Variants in LRRC63 observed in about 807,000 individuals in gnomAD.
LRRC63 encodes leucine-rich repeat-containing protein 63.
In LRRC63, 40 loss-of-function variants were observed where a neutral mutation model predicts 49.5. That is an observed-to-expected ratio of 0.81 (90% CI 0.63 to 1.05). The LOEUF is 1.05. Ranked by LOEUF, LRRC63 falls within the 50% of genes least tolerant of loss-of-function variation. LRRC63 has a pLI of 0.00. For synonymous variants in LRRC63, 191 were observed against 221.1 expected, an observed-to-expected ratio of 0.86 and a Z score of 1.21; for missense variants, 636 against 663.1, an observed-to-expected ratio of 0.96 and a Z score of 0.45.
At chr13:46,219,894 C>T (rs978142913) in intron 2 of LRRC63, among the ~76,000 whole-genome samples, 14 of 152,172 alleles carry the variant, frequency 9.2e-5, no homozygotes, top group African/African-American at 3.1e-4. Flanking sequence ...TGCTGAAGGG[C>T]CACTCCAGAC....
intron 8 of LRRC63, among the ~76,000 whole-genome samples, chr13:46,264,436 ATT>A (rs2047654889): frequency 6.7e-6 from 1 of 148,950 alleles, no homozygotes; most frequent in Non-Finnish European, 1.5e-5. Flanking sequence ...TTATTTATTT[ATT>A]TAGTTAGTTA....
intron 8 of LRRC63, among the ~76,000 whole-genome samples, chr13:46,262,644 CT>C (rs202148425): frequency 6.6e-5 from 10 of 151,914 alleles, no homozygotes; most frequent in African/African-American, 1.9e-4. Flanking sequence ...TACTCTAAAA[CT>C]TTTTTTTCAT....
intron 2 of LRRC63, among the ~76,000 whole-genome samples, chr13:46,214,544 G>A (rs946752060): frequency 1.3e-5 from 2 of 151,898 alleles, no homozygotes; most frequent in East Asian, 3.8e-4. Flanking sequence ...AGGTTGGATG[G>A]TTCCTTTTTT....
intron 9 of LRRC63, among the ~76,000 whole-genome samples, chr13:46,273,470 C>T (rs866994529): frequency 4.0e-5 from 6 of 151,718 alleles, no homozygotes; most frequent in African/African-American, 7.3e-5. Context: ...GGCGTGCTGG[C>T]GGGCACCTGT....
chr13:46,262,619 T>TTTGATCAA (rs1388917305), intron 8 of LRRC63, among the ~76,000 whole-genome samples: 11 of 152,164 alleles, frequency 7.2e-5, no homozygotes, highest in Non-Finnish European at 1.6e-4. Context: ...AATTTATATT[T>TTTGATCAA]TTGATCAATT....
chr13:46,230,823 A>G (rs2046732835), intron 4 of LRRC63, among the ~76,000 whole-genome samples: 1 of 152,154 alleles, frequency 6.6e-6, no homozygotes, highest in Non-Finnish European at 1.5e-5. Context: ...CAACTTTGTC[A>G]TTGCTTTGCT....
At chr13:46,267,161 C>T (rs1444830087) in intron 9 of LRRC63, among the ~76,000 whole-genome samples, 189 bp downstream of exon 9, 1 of 152,162 alleles carries the variant, frequency 6.6e-6, no homozygotes, top group Non-Finnish European at 1.5e-5. Flanking sequence ...TGAATCCGGC[C>T]CCCTTGTGTG....
chr13:46,247,253 A>C (rs999333776), intron 6 of LRRC63, among the ~76,000 whole-genome samples: 6 of 152,106 alleles, frequency 3.9e-5, no homozygotes, highest in African/African-American at 1.4e-4. Flanking sequence ...GGTATTGAAA[A>C]CATATATTTT....
At chr13:46,226,724 G>A (rs1566475437) in intron 2 of LRRC63, among the ~76,000 whole-genome samples, 2 of 152,188 alleles carry the variant, frequency 1.3e-5, no homozygotes, top group Non-Finnish European at 2.9e-5. Flanking sequence ...ACTCAGATCA[G>A]TCTCTAGCAA....
At chr13:46,267,752 C>A (rs1252723078) in intron 9 of LRRC63, among the ~76,000 whole-genome samples, 1 of 152,064 alleles carries the variant, frequency 6.6e-6, no homozygotes, top group Admixed American at 6.6e-5. Flanking sequence ...TTCATGAATG[C>A]ACATGAGAAA....
At position 46,227,577 on chromosome 13, in the gene LRRC63, A is replaced by G. The variant is rs1486034116; in HGVS notation, c.151A>G (p.Met51Val). The G allele has an allele frequency of 3.2e-6, 5 of 1,549,116 alleles. No individual in the cohort carries two copies. In the African/African-American group the frequency reaches 6.8e-5, roughly 21 times the overall value. The change falls in exon 3 of 10, where the codon ATG becomes GTG. Residue 51 changes from methionine to valine, a missense_variant. By Grantham distance (21) the Met-to-Val change is conservative. Coordinates refer to ENST00000595396, the Ensembl canonical transcript of LRRC63. The stretch of plus-strand genomic sequence containing the variant: ...TGAAGATGAAACCACTTCCATTAAA[A>G]TGGATAGAACTCGTTTTCCTGATGT...
chr13:46,267,817 G>A (rs528380492), intron 9 of LRRC63, among the ~76,000 whole-genome samples: 1 of 152,268 alleles, frequency 6.6e-6, no homozygotes, highest in East Asian at 1.9e-4. Context: ...CCTAACTAGT[G>A]TGTGGTAAAC....
At chr13:46,216,729 TG>T (rs1166036697) in intron 2 of LRRC63, among the ~76,000 whole-genome samples, 80 of 152,324 alleles carry the variant, frequency 5.3e-4, no homozygotes, top group African/African-American at 1.7e-3. Context: ...AGTATGATAT[TG>T]GTTGTGGGTT....
At chr13:46,255,997 C>T (rs1002754117) in intron 7 of LRRC63, among the ~76,000 whole-genome samples, 12 of 152,182 alleles carry the variant, frequency 7.9e-5, no homozygotes, top group African/African-American at 2.9e-4. Flanking sequence ...TTTCACTCAA[C>T]ATACATTTTG....
At chr13:46,214,297 C>G (rs1248452993) in intron 2 of LRRC63, among the ~76,000 whole-genome samples, 4 of 152,102 alleles carry the variant, frequency 2.6e-5, no homozygotes, top group Non-Finnish European at 5.9e-5. Flanking sequence ...CTCAACTTAC[C>G]TGTAATACTG....
chr13:46,232,138 C>T (rs1382710565), intron 4 of LRRC63, among the ~76,000 whole-genome samples: 2 of 152,100 alleles, frequency 1.3e-5, no homozygotes, highest in African/African-American at 4.8e-5. Flanking sequence ...TAAACAACAT[C>T]GGAATTCCAC....
intron 2 of LRRC63, among the ~76,000 whole-genome samples, chr13:46,218,955 T>C (rs2046330181): frequency 6.6e-6 from 1 of 152,214 alleles, no homozygotes; most frequent in Admixed American, 6.5e-5. Flanking sequence ...TTTGTAGCGT[T>C]TCTGCAGAGA....
At chr13:46,269,056 T>C (rs1431644579) in intron 9 of LRRC63, among the ~76,000 whole-genome samples, 2 of 152,040 alleles carry the variant, frequency 1.3e-5, no homozygotes, top group African/African-American at 2.4e-5. Context: ...TTAGGGATAA[T>C]AAGACTCAGT....
At chr13:46,242,931 A>T (rs1438919851) in intron 5 of LRRC63, among the ~76,000 whole-genome samples, 1 of 152,242 alleles carries the variant, frequency 6.6e-6, no homozygotes, top group African/African-American at 2.4e-5. Context: ...ATCTGGAAGA[A>T]ATGGACCCTA....
Sources: gnomAD v4.1 joint callset for allele counts (sites outside exome capture counted in the v4.1 genomes callset) on GRCh38, gnomAD v4.1.1 for gene constraint, MANE v1.5 for transcripts, NCBI Gene and HGNC (gene_info 2026-07-23, HGNC 2026-07-21) for gene names.